Variants in DCC observed in about 807,000 individuals in gnomAD.
DCC encodes the protein DCC netrin 1 receptor.
Under a neutral mutation model 172.5 loss-of-function variants are expected in DCC, and 58 were observed. That is an observed-to-expected ratio of 0.34 (90% confidence interval 0.27 to 0.42). The LOEUF (loss-of-function observed/expected upper bound fraction) is 0.42, where lower values mean the gene tolerates loss of function less well. Ranked by LOEUF, DCC falls within the 10% of genes least tolerant of loss-of-function variation. The probability of loss-of-function intolerance (pLI) is 1.00; values close to 1 mark genes in which losing one functional copy is unlikely to be tolerated. For synonymous variants in DCC, 709 were observed against 644.5 expected, an observed-to-expected ratio of 1.10 and a Z score of -1.52; for missense variants, 1,740 against 1,791.0, an observed-to-expected ratio of 0.97 and a Z score of 0.51.
At position 52,399,693 on chromosome 18, in the gene DCC, C is replaced by A. The variant is rs531893460; in HGVS notation, c.91+58815C>A. On this transcript the variant is annotated intron_variant, in intron 1 of 28. Coordinates refer to ENST00000442544, the MANE Select transcript of DCC (RefSeq NM_005215.4). ...TATGAAACAGAGGTATTTGTTCTCA[C>A]TTTTCTGTGATGTTATGATCACTCT... 2.0e-5 allele frequency among the ~76,000 whole-genome samples: 3 copies of A among 152,060 alleles called. No homozygotes were observed. In the South Asian group the frequency reaches 6.2e-4, roughly 32 times the overall value.
At chr18:53,170,462 G>C (rs1390626756) in intron 8 of DCC, among the ~76,000 whole-genome samples, 1 of 152,188 alleles carries the variant, frequency 6.6e-6, no homozygotes, top group African/African-American at 2.4e-5. Context: ...CCCAATGTCA[G>C]GGAAACCTAT....
At chr18:52,712,027 C>T (rs534359613) in intron 1 of DCC, among the ~76,000 whole-genome samples, 2 of 151,622 alleles carry the variant, frequency 1.3e-5, no homozygotes, top group Non-Finnish European at 2.9e-5. Context: ...AGTGGTGTGA[C>T]CTTGGCTCGC....
chr18:52,582,858 G>T (rs1211986655), intron 1 of DCC, among the ~76,000 whole-genome samples: 1 of 152,162 alleles, frequency 6.6e-6, no homozygotes, highest in East Asian at 1.9e-4. Flanking sequence ...AGAAGAAAAT[G>T]ACAACTTTTT....
chr18:53,295,074 G>C (rs1431185), intron 12 of DCC, among the ~76,000 whole-genome samples: 1 of 151,894 alleles, frequency 6.6e-6, no homozygotes, highest in South Asian at 2.1e-4. Flanking sequence ...TACCCAACGT[G>C]TACTTAAACA....
intron 8 of DCC, among the ~76,000 whole-genome samples, chr18:53,159,579 A>G (rs1336270245): frequency 2.0e-5 from 3 of 152,210 alleles, no homozygotes; most frequent in South Asian, 2.1e-4. Context: ...CTTAAATACA[A>G]TAAAACTGCT....
chr18:52,430,043 A>G (rs1987569646), intron 1 of DCC, among the ~76,000 whole-genome samples: 1 of 152,160 alleles, frequency 6.6e-6, no homozygotes, highest in South Asian at 2.1e-4. Context: ...AGCAGAGAAT[A>G]AAGTATATGC....
chr18:53,107,207 G>A (rs2043261369), intron 7 of DCC, among the ~76,000 whole-genome samples: 1 of 151,792 alleles, frequency 6.6e-6, no homozygotes, highest in Non-Finnish European at 1.5e-5. Flanking sequence ...CAATTTAAAT[G>A]TAGAAGAAAA....
In DCC at chr18:53,281,930, A is replaced by G. The variant is rs1028595811; in HGVS notation, c.1912-23648A>G. On this transcript the variant is annotated intron_variant, in intron 12 of 28. Coordinates refer to ENST00000442544, the MANE Select transcript of DCC (RefSeq NM_005215.4). ...AGCTACGCTGGGGTAGGATAAAGTG[A>G]GAGATCTTGGAGAATTGTGGCTTAA... Among the ~76,000 whole-genome samples the G allele has an allele frequency of 5.3e-5, 8 of 152,270 alleles. No individual in the cohort carries two copies. The East Asian group carries it at 1.2e-3, about 22-fold the overall frequency.
intron 1 of DCC, among the ~76,000 whole-genome samples, chr18:52,693,273 A>C (rs1053998376): frequency 3.3e-5 from 5 of 150,614 alleles, no homozygotes; most frequent in African/African-American, 1.2e-4. Flanking sequence ...ATGTGTATAT[A>C]TATTTAATAC....
At chr18:53,179,977 T>C (rs987614393) in intron 9 of DCC, among the ~76,000 whole-genome samples, 1 of 152,234 alleles carries the variant, frequency 6.6e-6, no homozygotes, top group Admixed American at 6.5e-5. Context: ...TATAACAAAA[T>C]TTGTAATGAT....
chr18:53,220,557 G>A (rs958894260), intron 12 of DCC, among the ~76,000 whole-genome samples: 1 of 152,142 alleles, frequency 6.6e-6, no homozygotes, highest in African/African-American at 2.4e-5. Context: ...AAGAGAAAGA[G>A]GATATATATG....
intron 5 of DCC, among the ~76,000 whole-genome samples, chr18:52,983,522 C>T (rs2041243554): frequency 6.6e-6 from 1 of 151,874 alleles, no homozygotes; most frequent in East Asian, 1.9e-4. Flanking sequence ...ATAAATTGTC[C>T]AAAAGAGAAG....
chr18:53,268,449 A>G (rs2056707895), intron 12 of DCC, among the ~76,000 whole-genome samples: 1 of 152,202 alleles, frequency 6.6e-6, no homozygotes, highest in Admixed American at 6.5e-5. Context: ...TAAAATTAAG[A>G]AATATTTTTT....
At chr18:53,157,566 T>G (rs748643135) in intron 8 of DCC, 54 bp downstream of exon 8, 160 of 1,583,650 alleles carry the variant, frequency 1.0e-4, no homozygotes, top group Non-Finnish European at 1.3e-4. Flanking sequence ...TTTAAGTCAA[T>G]ACGGTTGGGT....
intron 5 of DCC, among the ~76,000 whole-genome samples, chr18:52,948,128 T>C (rs1405739194): frequency 6.6e-6 from 1 of 152,206 alleles, no homozygotes; most frequent in East Asian, 1.9e-4. Context: ...AAAAGAATGT[T>C]GTTACTGATT....
At position 52,544,793 on chromosome 18, in the gene DCC, C is replaced by G. The variant is rs184608969; in HGVS notation, c.91+203915C>G. ...CTATTCTGTCTTTTAAAAAAATACC[C>G]CCTTAGTTTGACTGAATGTTGTCTG... On this transcript the variant is annotated intron_variant, in intron 1 of 28. Coordinates refer to ENST00000442544, the MANE Select transcript of DCC (RefSeq NM_005215.4). 7.2e-3 allele frequency among the ~76,000 whole-genome samples: 1,092 copies of G among 152,128 alleles called. 8 individuals carry two copies. Among genetic ancestry groups the G allele is most frequent in the Non-Finnish European group, 8.4e-3 (571 of 68,008 alleles).
At chr18:53,439,782 T>TTTTTTTTTTTTTA (rs1568133290) in intron 22 of DCC, among the ~76,000 whole-genome samples, 1 of 147,092 alleles carries the variant, frequency 6.8e-6, no homozygotes, top group East Asian at 2.0e-4. Flanking sequence ...TTTTTTTTTT[T>TTTTTTTTTTTTTA]GAGACGGAGT....
At chr18:52,589,233 A>G (rs1332612771) in intron 1 of DCC, among the ~76,000 whole-genome samples, 2 of 152,226 alleles carry the variant, frequency 1.3e-5, no homozygotes, top group Non-Finnish European at 2.9e-5. Flanking sequence ...TGTCTTGCAA[A>G]TATATGTAGA....
chr18:53,017,451 T>A (rs2143905092), intron 5 of DCC, among the ~76,000 whole-genome samples: 1 of 152,320 alleles, frequency 6.6e-6, no homozygotes, highest in Admixed American at 6.5e-5. Context: ...TCTAGGTATC[T>A]AATTGTCATT....
Sources: allele counts gnomAD v4.1 joint callset (sites outside exome capture counted in the v4.1 genomes callset), GRCh38; gene constraint gnomAD v4.1.1; transcripts MANE v1.5; gene names NCBI Gene and HGNC (gene_info 2026-07-23, HGNC 2026-07-21).